Variants in SGCZ observed in about 807,000 individuals in gnomAD.
SGCZ encodes the protein zeta-sarcoglycan.
A neutral mutation model predicts 41.3 loss-of-function variants in SGCZ; 40 were observed. The ratio of observed to expected loss-of-function variants is 0.97; its 90% CI spans 0.75 to 1.26. The LOEUF (loss-of-function observed/expected upper bound fraction) is 1.26. SGCZ is among the 50% of genes most tolerant of loss of function. The pLI, the probability that SGCZ is intolerant of heterozygous loss-of-function variation, is 0.00. For missense variants in SGCZ, 552 were observed against 369.8 expected (o/e 1.49, Z -4.04); for synonymous variants, 206 against 137.5 (o/e 1.50, Z -3.49).
chr8:15,081,769 A>T (rs1488540936), intron 1 of SGCZ, among the ~76,000 whole-genome samples: 1 of 152,194 alleles, frequency 6.6e-6, no homozygotes, highest in Non-Finnish European at 1.5e-5. Context: ...GTGAGAGAAA[A>T]GGCAAGTAAC....
intron 1 of SGCZ, among the ~76,000 whole-genome samples, chr8:15,149,464 C>T (rs1210863563): frequency 6.6e-6 from 1 of 152,054 alleles, no homozygotes; most frequent in Admixed American, 6.6e-5. Context: ...TTAAAATGCA[C>T]CAAAAAATCT....
chr8:14,687,956 C>A (rs112227629), intron 1 of SGCZ, among the ~76,000 whole-genome samples: 8 of 152,182 alleles, frequency 5.3e-5, no homozygotes, highest in African/African-American at 1.4e-4. Flanking sequence ...TAATGGTGAG[C>A]ATTTTTTCAT....
chr8:14,381,897 T>A (rs1585430613), intron 2 of SGCZ, among the ~76,000 whole-genome samples: 1 of 152,352 alleles, frequency 6.6e-6, no homozygotes, highest in African/African-American at 2.4e-5. Flanking sequence ...AAGATGCTTC[T>A]ATTTTTCTGC....
intron 1 of SGCZ, among the ~76,000 whole-genome samples, chr8:14,759,044 CAAGT>C (rs978947273): frequency 3.3e-5 from 5 of 151,520 alleles, no homozygotes; most frequent in Admixed American, 1.3e-4. Context: ...AGTCAAATTC[CAAGT>C]AATATTTCAG....
rs189195863 is a variant in SGCZ at position 14,381,720 on chromosome 8, A to T, written c.235-57516T>A. On this transcript the variant is annotated intron_variant, in intron 2 of 7. Coordinates refer to ENST00000382080, the MANE Select transcript of SGCZ (RefSeq NM_139167.4). ...AGGGTCTCTTGAGCCCAGGAGGTCG[A>T]GGCTGCAGTGAGCCATGATTGCGCC... Among the ~76,000 whole-genome samples, 115 of 152,066 alleles carry T rather than the reference A, an allele frequency of 7.6e-4. No individual in the cohort carries two copies. In the Middle Eastern group the frequency reaches 0.01, roughly 13 times the overall value.
chr8:15,031,373 T>C (rs146399670), intron 1 of SGCZ, among the ~76,000 whole-genome samples: 3,283 of 152,184 alleles, frequency 0.022, 55 homozygotes, highest in Middle Eastern at 0.031. Flanking sequence ...CATCAGGCAG[T>C]AGAGAGTGTT....
intron 1 of SGCZ, among the ~76,000 whole-genome samples, chr8:14,696,455 G>GT (rs1808966712): frequency 6.6e-6 from 1 of 152,034 alleles, no homozygotes; most frequent in Admixed American, 6.6e-5. Context: ...GTCAAAGCCT[G>GT]TTCTTACACA....
At chr8:14,929,872 A>G (rs1799877008) in intron 1 of SGCZ, among the ~76,000 whole-genome samples, 1 of 152,020 alleles carries the variant, frequency 6.6e-6, no homozygotes, top group African/African-American at 2.4e-5. Context: ...TGTGACTTAC[A>G]CTTGGTAATT....
chr8:14,776,677 T>C lies in SGCZ; in HGVS notation c.40-221751A>G, dbSNP rs369659355. On this transcript the variant is annotated intron_variant, in intron 1 of 7. Coordinates refer to ENST00000382080, the MANE Select transcript of SGCZ (RefSeq NM_139167.4). ...CCCAGCTAATTTTTTGTATTTTTAG[T>C]AGAGGCGGGGTTTCACCGTGTTAGC... is the stretch of plus-strand genomic sequence containing the variant. Among the ~76,000 whole-genome samples, 750 of 152,072 alleles carry C rather than the reference T, an allele frequency of 4.9e-3. 1 individual carries two copies. Among genetic ancestry groups the C allele is most frequent in the East Asian group, 0.01 (53 of 5,146 alleles).
chr8:14,274,586 T>C lies in SGCZ; in HGVS notation c.337-36907A>G, dbSNP rs553040392. Among the ~76,000 whole-genome samples the C allele has an allele frequency of 1.4e-4, 21 of 152,310 alleles. No individual in the cohort carries two copies. The East Asian group carries it at 2.3e-3, about 17-fold the overall frequency. ...TTCACTTAGTTTCCTAACCATGTTA[T>C]TGTATATAACAATCTCCTTCAAAAC... is the stretch of plus-strand genomic sequence containing the variant. On this transcript the variant is annotated intron_variant, in intron 3 of 7. Transcript: ENST00000382080.
intron 2 of SGCZ, among the ~76,000 whole-genome samples, chr8:14,416,375 T>C (rs1186045723): frequency 6.6e-6 from 1 of 151,900 alleles, no homozygotes; most frequent in African/African-American, 2.4e-5. Flanking sequence ...TTTTATATTT[T>C]TAACAAATGA....
intron 1 of SGCZ, among the ~76,000 whole-genome samples, chr8:15,182,452 C>A (rs1386136847): frequency 6.6e-6 from 1 of 152,174 alleles, no homozygotes; most frequent in Non-Finnish European, 1.5e-5. Flanking sequence ...CAGCCTATTA[C>A]TCCTAGGCTA....
At chr8:14,697,941 C>T (rs960952228) in intron 1 of SGCZ, among the ~76,000 whole-genome samples, 4 of 151,952 alleles carry the variant, frequency 2.6e-5, no homozygotes, top group African/African-American at 9.7e-5. Flanking sequence ...CACAGCTAGA[C>T]ATTTCAAACA....
chr8:14,314,980 G>C (rs181694383), intron 3 of SGCZ, among the ~76,000 whole-genome samples: 1 of 152,126 alleles, frequency 6.6e-6, no homozygotes, highest in Non-Finnish European at 1.5e-5. Flanking sequence ...AAACATTCAA[G>C]TCCCATTATG....
At chr8:14,795,165 A>G (rs1807384066) in intron 1 of SGCZ, among the ~76,000 whole-genome samples, 1 of 152,206 alleles carries the variant, frequency 6.6e-6, no homozygotes. Flanking sequence ...GGTTAATTAA[A>G]ATATTGTTTA....
chr8:14,702,024 C>T (rs1454511236), intron 1 of SGCZ, among the ~76,000 whole-genome samples: 1 of 151,938 alleles, frequency 6.6e-6, no homozygotes, highest in South Asian at 2.1e-4. Flanking sequence ...CTGGCACTGT[C>T]TCCACCTTCT....
intron 1 of SGCZ, among the ~76,000 whole-genome samples, chr8:14,629,860 A>T (rs1257237779): frequency 6.6e-6 from 1 of 152,114 alleles, no homozygotes; most frequent in Non-Finnish European, 1.5e-5. Flanking sequence ...GCAGCCACAT[A>T]TATCTAGAAT....
chr8:14,646,536 C>T (rs750255546), intron 1 of SGCZ, among the ~76,000 whole-genome samples: 9 of 151,838 alleles, frequency 5.9e-5, no homozygotes, highest in Non-Finnish European at 1.2e-4. Flanking sequence ...AACATGTCTC[C>T]TTTGGTAGGA....
chr8:14,985,546 G>C (rs1377822157), intron 1 of SGCZ, among the ~76,000 whole-genome samples: 1 of 152,106 alleles, frequency 6.6e-6, no homozygotes, highest in East Asian at 1.9e-4. Flanking sequence ...CCTTGAATTA[G>C]AATTCAAAGT....
Sources: allele counts gnomAD v4.1 joint callset (sites outside exome capture counted in the v4.1 genomes callset), GRCh38; gene constraint gnomAD v4.1.1; transcripts MANE v1.5; gene names NCBI Gene and HGNC (gene_info 2026-07-23, HGNC 2026-07-21).